BRD10: variants seen among roughly 807,000 people sequenced by gnomAD.
BRD10 encodes uncharacterized bromodomain-containing protein 10.
At chr9:5,934,935 A>G in the BRD10 span, among the ~76,000 whole-genome samples, 1 of 152,200 alleles carries the variant, frequency 6.6e-6, no homozygotes, top group East Asian at 1.9e-4. Context: ...TGAAAAGGTA[A>G]TACTATATTC....
the BRD10 span, among the ~76,000 whole-genome samples, chr9:5,989,001 C>T: frequency 1.3e-5 from 2 of 151,994 alleles, no homozygotes; most frequent in African/African-American, 4.8e-5. Flanking sequence ...GAGGCCGAGG[C>T]AGGCGAATCA....
the BRD10 span, among the ~76,000 whole-genome samples, chr9:5,977,695 C>G: frequency 1.3e-5 from 2 of 151,972 alleles, no homozygotes; most frequent in Admixed American, 6.6e-5. Flanking sequence ...ATTAGCTGGG[C>G]GTGGTGGCAA....
At chr9:5,883,776 T>C in the BRD10 span, among the ~76,000 whole-genome samples, 3 of 152,200 alleles carry the variant, frequency 2.0e-5, no homozygotes, top group East Asian at 5.8e-4. Flanking sequence ...CCACCCCCTA[T>C]TCCTTCTTAG....
chr9:5,939,928 C>T, the BRD10 span, among the ~76,000 whole-genome samples: 2 of 152,206 alleles, frequency 1.3e-5, no homozygotes, highest in Non-Finnish European at 2.9e-5. Flanking sequence ...TTGATAACCA[C>T]TGGCTTATAC....
chr9:5,910,310 A>T, the BRD10 span: 1 of 152,214 alleles, frequency 6.6e-6, no homozygotes, highest in Non-Finnish European at 1.5e-5. Flanking sequence ...ACAAAATTTC[A>T]CCAAAGGGGA....
the BRD10 span, chr9:5,924,653 C>T: frequency 6.7e-7 from 1 of 1,490,182 alleles, no homozygotes; most frequent in Non-Finnish European, 9.0e-7. Context: ...AAGTTTAATG[C>T]TTACCTGAAT....
the BRD10 span, among the ~76,000 whole-genome samples, chr9:6,005,404 C>G: frequency 6.6e-6 from 1 of 152,176 alleles, no homozygotes; most frequent in Non-Finnish European, 1.5e-5. Context: ...ACTCGGGACG[C>G]TGAGGCACGA....
the BRD10 span, among the ~76,000 whole-genome samples, chr9:5,892,830 A>T: frequency 1.3e-5 from 2 of 152,182 alleles, no homozygotes; most frequent in Non-Finnish European, 2.9e-5. Flanking sequence ...GTAGGTTCCC[A>T]AGTGGAAAAA....
the BRD10 span, among the ~76,000 whole-genome samples, chr9:5,928,859 G>C: frequency 6.6e-6 from 1 of 152,040 alleles, no homozygotes; most frequent in Non-Finnish European, 1.5e-5. Context: ...TCACAGAGTG[G>C]AGACTTTGTT....
At chr9:5,892,578 G>C in the BRD10 span, 1 of 1,603,470 alleles carries the variant, frequency 6.2e-7, no homozygotes. Flanking sequence ...ACCCAGCAGG[G>C]CTTCCAGTTT....
chr9:5,974,270 C>A, the BRD10 span, among the ~76,000 whole-genome samples: 1 of 152,110 alleles, frequency 6.6e-6, no homozygotes, highest in Non-Finnish European at 1.5e-5. Flanking sequence ...ACTAGAACTG[C>A]ATAACCAGCT....
the BRD10 span, among the ~76,000 whole-genome samples, chr9:5,907,515 T>C: frequency 6.6e-5 from 10 of 152,212 alleles, no homozygotes; most frequent in South Asian, 2.1e-4. Flanking sequence ...AATATTAGTA[T>C]GTAGAAAAGA....
the BRD10 span, among the ~76,000 whole-genome samples, chr9:5,997,182 G>C: frequency 6.6e-6 from 1 of 152,166 alleles, no homozygotes; most frequent in Admixed American, 6.5e-5. Flanking sequence ...AAGAGCTAAG[G>C]ACATAATTAA....
the BRD10 span, among the ~76,000 whole-genome samples, chr9:5,984,236 CT>C: frequency 1.3e-5 from 2 of 152,054 alleles, no homozygotes; most frequent in Non-Finnish European, 2.9e-5. Flanking sequence ...TCTTTGATTT[CT>C]TTAAAACACA....
chr9:5,909,321 C>G, the BRD10 span: 1 of 153,012 alleles, frequency 6.5e-6, no homozygotes, highest in Non-Finnish European at 1.5e-5. Flanking sequence ...TGCAATGGCG[C>G]GATCTTGGCT....
the BRD10 span, chr9:5,954,094 T>G: frequency 1.3e-6 from 2 of 1,528,330 alleles, no homozygotes; most frequent in Non-Finnish European, 1.8e-6. Flanking sequence ...CGGATTTTTT[T>G]CCTTTCAAGA....
At chr9:5,954,187 G>GT in the BRD10 span, 2 of 691,100 alleles carry the variant, frequency 2.9e-6, no homozygotes, top group Non-Finnish European at 5.0e-6. Context: ...AAGTTAAATT[G>GT]TAACTAACAG....
chr9:5,933,702 G>A, the BRD10 span: 1 of 445,452 alleles, frequency 2.2e-6, no homozygotes, highest in African/African-American at 2.0e-5. Context: ...ATTGTAAAAA[G>A]AAAAGCTGCA....
At chr9:5,924,701 T>A in the BRD10 span, 1 of 1,557,912 alleles carries the variant, frequency 6.4e-7, no homozygotes, top group Non-Finnish European at 8.7e-7. Flanking sequence ...GAGGTTCTGT[T>A]GAGTCTATAG....
Sources: gnomAD v4.1 joint callset for allele counts (sites outside exome capture counted in the v4.1 genomes callset) on GRCh38, gnomAD v4.1.1 for gene constraint, MANE v1.5 for transcripts, NCBI Gene and HGNC (gene_info 2026-07-23, HGNC 2026-07-21) for gene names.